The following SH3RF3 variants were observed in gnomAD, a reference collection of about 807,000 sequenced individuals.
SH3RF3 encodes the protein E3 ubiquitin-protein ligase SH3RF3.
SH3RF3 carries 29 observed loss-of-function variants against 66.3 expected under a neutral mutation model. That is an observed-to-expected ratio of 0.44 (90% confidence interval 0.33 to 0.60). SH3RF3 has a LOEUF of 0.60. SH3RF3 is among the 20% of genes least tolerant of loss of function. The probability of loss-of-function intolerance (pLI) is 0.04; values close to 1 mark genes in which losing one functional copy is unlikely to be tolerated. For synonymous variants in SH3RF3, 583 were observed against 532.0 expected (o/e 1.10, Z -1.32); for missense variants, 1,194 against 1,190.9 (o/e 1.00, Z -0.04).
intron 1 of SH3RF3, among the ~76,000 whole-genome samples, chr2:109,315,045 A>G (rs1279739306): frequency 1.3e-5 from 2 of 152,346 alleles, no homozygotes; most frequent in East Asian, 3.9e-4. Flanking sequence ...CAGCGACCAC[A>G]TTGAAGAGCC....
At chr2:109,400,430 GCACT>G (rs1676276253) in intron 4 of SH3RF3, among the ~76,000 whole-genome samples, 2 of 151,670 alleles carry the variant, frequency 1.3e-5, no homozygotes, top group African/African-American at 4.9e-5. Context: ...GCACATATGT[GCACT>G]TATATGCACC....
intron 3 of SH3RF3, among the ~76,000 whole-genome samples, chr2:109,373,739 G>C (rs1559048990): frequency 1.3e-5 from 2 of 152,128 alleles, no homozygotes; most frequent in Non-Finnish European, 2.9e-5. Context: ...CTGTAAAATG[G>C]TGTCCAGTTA....
intron 1 of SH3RF3, among the ~76,000 whole-genome samples, chr2:109,234,339 T>C (rs970373566): frequency 6.6e-6 from 1 of 152,222 alleles, no homozygotes; most frequent in African/African-American, 2.4e-5. Flanking sequence ...ACTGTTTCTT[T>C]ATTGCAGGAT....
intron 3 of SH3RF3, among the ~76,000 whole-genome samples, chr2:109,389,003 G>T (rs984552123): frequency 6.6e-6 from 1 of 152,170 alleles, no homozygotes; most frequent in African/African-American, 2.4e-5. Context: ...ACAGCCCAAT[G>T]CACCATCCCT....
intron 1 of SH3RF3, among the ~76,000 whole-genome samples, chr2:109,190,826 GTTCAA>G (rs1475678014): frequency 6.6e-6 from 1 of 151,938 alleles, no homozygotes; most frequent in Non-Finnish European, 1.5e-5. Context: ...TTTAAGGAGT[GTTCAA>G]TTCAGAAAAC....
At chr2:109,270,261 C>T (rs552933873) in intron 1 of SH3RF3, among the ~76,000 whole-genome samples, 7 of 152,264 alleles carry the variant, frequency 4.6e-5, no homozygotes, top group East Asian at 1.9e-4. Flanking sequence ...ACACCTGAAG[C>T]GTAACCTTAA....
rs527913669 is a variant in SH3RF3 at position 109,193,723 on chromosome 2, T to C, written c.573+63610T>C. Among the ~76,000 whole-genome samples, 7 of 152,360 alleles carry C rather than the reference T, an allele frequency of 4.6e-5. No individual in the cohort carries two copies. In the South Asian group the frequency reaches 1.5e-3, roughly 32 times the overall value. ...AAAGATCAGTATGTAGTATACATTC[T>C]GACCCCAAATCATTATTTTTCTCAC... On this transcript the variant is annotated intron_variant, in intron 1 of 9. Coordinates refer to ENST00000309415, the MANE Select transcript of SH3RF3 (RefSeq NM_001099289.3).
Position 109,226,298 on chromosome 2 carries a change from A to G in SH3RF3, c.573+96185A>G, listed in dbSNP as rs185187193. ...TAAGAGTAGTTATGTAAACAGATCAATAAGCTCATTTTGAACATGACCCTG... is the reference window on the plus strand; with the variant it reads ...TAAGAGTAGTTATGTAAACAGATCAGTAAGCTCATTTTGAACATGACCCTG... On this transcript the variant is annotated intron_variant, in intron 1 of 9. Coordinates refer to ENST00000309415, the MANE Select transcript of SH3RF3 (RefSeq NM_001099289.3). Among the ~76,000 whole-genome samples, 438 of 152,314 alleles carry G rather than the reference A, an allele frequency of 2.9e-3. 4 individuals are homozygous for G. The highest frequency in any genetic ancestry group is 9.7e-3 in the African/African-American group (401 of 41,552).
chr2:109,432,078 A>G (rs1677240933), intron 5 of SH3RF3, among the ~76,000 whole-genome samples: 1 of 152,204 alleles, frequency 6.6e-6, no homozygotes, highest in Non-Finnish European at 1.5e-5. Flanking sequence ...GCTCACCCTC[A>G]GTTTTCCCTA....
chr2:109,436,803 A>G (rs1470163326), intron 6 of SH3RF3, 90 bp from the exon 7 acceptor site: 4 of 1,500,010 alleles, frequency 2.7e-6, no homozygotes, highest in Middle Eastern at 1.8e-4. Flanking sequence ...TCTTAAAGCC[A>G]GCAGGTCAGA....
intron 1 of SH3RF3, among the ~76,000 whole-genome samples, chr2:109,239,109 C>T (rs777097707): frequency 2.2e-4 from 33 of 152,310 alleles, no homozygotes; most frequent in Admixed American, 5.9e-4. Context: ...GTCCAAGACA[C>T]GTCTTTTCCG....
At chr2:109,464,290 A>T (rs1394188146) in intron 8 of SH3RF3, among the ~76,000 whole-genome samples, 2 of 152,234 alleles carry the variant, frequency 1.3e-5, no homozygotes, top group Admixed American at 6.5e-5. Flanking sequence ...ACATTCATAC[A>T]TATACATACA....
rs1015926459 is a variant in SH3RF3 at position 109,404,989 on chromosome 2, C to T, written c.1299+6046C>T. ...CTCCTGCCAGACCCTCTTTCTAACC[C>T]CTATGTCTACACAAATACCCCCCAC... On this transcript the variant is annotated intron_variant, in intron 4 of 9. Coordinates refer to ENST00000309415, the MANE Select transcript of SH3RF3 (RefSeq NM_001099289.3). Among the ~76,000 whole-genome samples the T allele has an allele frequency of 4.0e-5, 6 of 151,752 alleles. 1 individual carries two copies. Among genetic ancestry groups the T allele is most frequent in the Admixed American group, 3.9e-4 (6 of 15,234 alleles).
intron 1 of SH3RF3, among the ~76,000 whole-genome samples, chr2:109,326,817 C>T (rs1056155576): frequency 2.0e-5 from 3 of 152,216 alleles, no homozygotes; most frequent in Admixed American, 6.5e-5. Flanking sequence ...AGGGGGACGC[C>T]TGTCTCATGG....
At chr2:109,175,096 G>T (rs539003019) in intron 1 of SH3RF3, among the ~76,000 whole-genome samples, 180 of 152,098 alleles carry the variant, frequency 1.2e-3, no homozygotes, top group African/African-American at 4.1e-3. Flanking sequence ...GCTAAGAAGT[G>T]CATTCATGCC....
chr2:109,458,772 G>A (rs1376015853), intron 8 of SH3RF3, among the ~76,000 whole-genome samples: 4 of 152,218 alleles, frequency 2.6e-5, no homozygotes, highest in East Asian at 3.8e-4. Flanking sequence ...CTGATTGGGC[G>A]AGGCCCACCC....
chr2:109,353,273 C>G (rs1335632391), intron 2 of SH3RF3, among the ~76,000 whole-genome samples: 1 of 152,238 alleles, frequency 6.6e-6, no homozygotes, highest in African/African-American at 2.4e-5. Flanking sequence ...AGCCCACTGC[C>G]TCCCTGGGCC....
At chr2:109,378,186 C>T (rs565830161) in intron 3 of SH3RF3, among the ~76,000 whole-genome samples, 2 of 152,234 alleles carry the variant, frequency 1.3e-5, no homozygotes, top group Non-Finnish European at 2.9e-5. Flanking sequence ...CCAGACCTGT[C>T]TGATCCTGTG....
intron 1 of SH3RF3, among the ~76,000 whole-genome samples, chr2:109,243,875 G>A (rs1679848170): frequency 6.6e-6 from 1 of 152,172 alleles, no homozygotes; most frequent in African/African-American, 2.4e-5. Context: ...GATCTTGAGT[G>A]AGTAAATAGA....
Sources: allele counts gnomAD v4.1 joint callset (sites outside exome capture counted in the v4.1 genomes callset), GRCh38; gene constraint gnomAD v4.1.1; transcripts MANE v1.5; gene names NCBI Gene and HGNC (gene_info 2026-07-23, HGNC 2026-07-21).